The following TSG101 variants were observed in gnomAD, a reference collection of about 807,000 sequenced individuals.
The protein encoded by TSG101 is tumor susceptibility gene 101 protein.
Under a neutral mutation model 48.5 loss-of-function variants are expected in TSG101, and 19 were observed. The ratio of observed to expected loss-of-function variants is 0.39; its 90% confidence interval spans 0.27 to 0.58. TSG101 has a LOEUF of 0.58. Ranked by LOEUF, TSG101 falls within the 20% of genes least tolerant of loss-of-function variation. The probability of loss-of-function intolerance (pLI) is 0.55; values close to 1 mark genes in which losing one functional copy is unlikely to be tolerated. For missense variants in TSG101, 365 were observed against 484.4 expected (o/e 0.75, Z 2.31); for synonymous variants, 174 against 169.4 (o/e 1.03, Z -0.21).
At chr11:18,506,495 A>T (rs1388215074) in intron 6 of TSG101, among the ~76,000 whole-genome samples, 1 of 151,986 alleles carries the variant, frequency 6.6e-6, no homozygotes, top group East Asian at 1.9e-4. Context: ...GTTTGAGACC[A>T]GCCTGGCCAA....
chr11:18,526,518 T>G (rs1850377015), intron 1 of TSG101, among the ~76,000 whole-genome samples: 1 of 152,060 alleles, frequency 6.6e-6, no homozygotes, highest in East Asian at 1.9e-4. Flanking sequence ...GGAGGGCGGG[T>G]GGGCGGCAGG....
At chr11:18,499,210 A>T (rs1296768935) in intron 7 of TSG101, among the ~76,000 whole-genome samples, 12 of 137,554 alleles carry the variant, frequency 8.7e-5, no homozygotes, top group East Asian at 2.0e-4. Context: ...TATATATATA[A>T]AATATATATA....
intron 5 of TSG101, 21 bp downstream of exon 5, chr11:18,509,521 T>C (rs779415450): frequency 6.2e-7 from 1 of 1,606,088 alleles, no homozygotes; most frequent in Admixed American, 1.7e-5. Context: ...AGTTTTAAAG[T>C]AAAATCTCAA....
chr11:18,523,186 G>A (rs1850307539), intron 1 of TSG101, among the ~76,000 whole-genome samples: 1 of 152,176 alleles, frequency 6.6e-6, no homozygotes, highest in Non-Finnish European at 1.5e-5. Context: ...TAAGCCCCAT[G>A]TCAAGCACAC....
At chr11:18,506,732 C>G in intron 6 of TSG101, 125 bp downstream of exon 6, 1 of 659,572 alleles carries the variant, frequency 1.5e-6, no homozygotes, top group Non-Finnish European at 2.4e-6. Context: ...AGGAATAAAC[C>G]AAGTTTTATC....
At chr11:18,515,959 C>T (rs756122723) in intron 3 of TSG101, 140 bp downstream of exon 3, 1 of 660,694 alleles carries the variant, frequency 1.5e-6, no homozygotes, top group Non-Finnish European at 2.4e-6. Context: ...GCCAAATGAA[C>T]TTCAATTTGA....
intron 7 of TSG101, chr11:18,490,301 C>T: frequency 1.7e-6 from 1 of 581,034 alleles, no homozygotes. Flanking sequence ...GTAACACTGT[C>T]CCAAGTAATT....
intron 1 of TSG101, among the ~76,000 whole-genome samples, chr11:18,521,663 C>T (rs1484799536): frequency 6.9e-6 from 1 of 144,044 alleles, no homozygotes. Flanking sequence ...CTGCACCTGG[C>T]CCCTTCCTTT....
chr11:18,513,010 G>A (rs182936127), intron 4 of TSG101, among the ~76,000 whole-genome samples: 35 of 152,076 alleles, frequency 2.3e-4, no homozygotes, highest in African/African-American at 7.5e-4. Flanking sequence ...CTACAGGTGT[G>A]AGCCACCCCA....
At chr11:18,501,386 T>C (rs1481244109) in intron 7 of TSG101, among the ~76,000 whole-genome samples, 1 of 152,218 alleles carries the variant, frequency 6.6e-6, no homozygotes, top group Non-Finnish European at 1.5e-5. Context: ...TTTCCCAATA[T>C]ATGTTCTTGG....
intron 5 of TSG101, among the ~76,000 whole-genome samples, chr11:18,509,072 C>T (rs550462805): frequency 2.2e-4 from 34 of 152,220 alleles, no homozygotes; most frequent in Admixed American, 1.9e-3. Context: ...ATTGGCTGTA[C>T]GAAAGAGAAG....
intron 7 of TSG101, among the ~76,000 whole-genome samples, chr11:18,495,658 C>T (rs1341005274): frequency 3.5e-5 from 5 of 142,882 alleles, no homozygotes; most frequent in Non-Finnish European, 3.0e-5. Context: ...ATGCATACTA[C>T]CAGTTAGGTT....
chr11:18,510,695 A>G (rs1850064507), intron 4 of TSG101, among the ~76,000 whole-genome samples: 1 of 152,152 alleles, frequency 6.6e-6, no homozygotes, highest in Non-Finnish European at 1.5e-5. Flanking sequence ...TTCTAGGTCT[A>G]TTCCAGTACT....
chr11:18,499,402 A>ATATATATATATATATATATTTT, intron 7 of TSG101, among the ~76,000 whole-genome samples: 2 of 5,450 alleles, frequency 3.7e-4, no homozygotes, highest in Non-Finnish European at 7.0e-4. Flanking sequence ...ATATATATAT[A>ATATATATATATATATATATTTT]TTTTTTTTTT....
At position 18,519,545 on chromosome 11, in the gene TSG101, T is replaced by A; in HGVS notation, c.101A>T (p.Asp34Val). ...ETVNVITLYK[D>V]LKPVLDSYVF... ...ATATGAATCCAAAACAGGTTTGAGA[T>A]CTTTGTATAGAGTAATAACATTGAC... is the stretch of plus-strand genomic sequence containing the variant. Residue 34 changes from aspartate (D) to valine (V), a missense_variant, in exon 2 of 10, where the codon GAT (aspartate) becomes GTT (valine). Physicochemically the swap from Asp to Val is radical, Grantham distance 152 (BLOSUM62 -3). Transcript: ENST00000251968. 1.2e-6 allele frequency: 2 copies of A among 1,612,944 alleles called. No homozygotes were observed. The highest frequency in any genetic ancestry group is 1.7e-6 in the Non-Finnish European group (2 of 1,179,618).
At chr11:18,524,618 T>C (rs967415765) in intron 1 of TSG101, among the ~76,000 whole-genome samples, 1 of 152,214 alleles carries the variant, frequency 6.6e-6, no homozygotes, top group African/African-American at 2.4e-5. Flanking sequence ...AGAATCGTCA[T>C]AATCACATAC....
intron 7 of TSG101, among the ~76,000 whole-genome samples, chr11:18,494,973 A>G (rs1467988947): frequency 6.6e-6 from 1 of 152,212 alleles, no homozygotes; most frequent in African/African-American, 2.4e-5. Flanking sequence ...AATATTCAGT[A>G]TGGACTAAAG....
intron 7 of TSG101, among the ~76,000 whole-genome samples, chr11:18,486,966 T>C (rs1849628723): frequency 6.6e-6 from 1 of 151,558 alleles, no homozygotes; most frequent in Non-Finnish European, 1.5e-5. Context: ...ATGTCCTTTG[T>C]AGGGACATGG....
At chr11:18,496,538 A>G (rs999293908) in intron 7 of TSG101, among the ~76,000 whole-genome samples, 5 of 152,144 alleles carry the variant, frequency 3.3e-5, no homozygotes, top group African/African-American at 1.2e-4. Flanking sequence ...CTAAGTTTCA[A>G]AAAGAACAAG....
Sources: allele counts gnomAD v4.1 joint callset (sites outside exome capture counted in the v4.1 genomes callset), GRCh38; gene constraint gnomAD v4.1.1; transcripts MANE v1.5; gene names NCBI Gene and HGNC (gene_info 2026-07-23, HGNC 2026-07-21).